Variants in GLIPR1 observed in about 807,000 individuals in gnomAD.
GLIPR1 encodes GLI pathogenesis related 1, also known as glioma pathogenesis-related protein 1.
GLIPR1 carries 38 observed loss-of-function variants against 30.3 expected under a neutral mutation model. The observed-to-expected ratio is 1.26, with a 90% confidence interval of 0.97 to 1.65. The LOEUF (loss-of-function observed/expected upper bound fraction) is 1.65, where lower values mean the gene tolerates loss of function less well. GLIPR1 is among the 40% of genes most tolerant of loss of function. The probability of loss-of-function intolerance (pLI) is 0.00; values close to 1 mark genes in which losing one functional copy is unlikely to be tolerated. For missense variants in GLIPR1, 285 were observed against 326.5 expected, an observed-to-expected ratio of 0.87 and a Z score of 0.98; for synonymous variants, 122 against 110.6, an observed-to-expected ratio of 1.10 and a Z score of -0.65.
intron 2 of GLIPR1, among the ~76,000 whole-genome samples, chr12:75,488,208 G>C (rs2046302359): frequency 6.6e-6 from 1 of 152,178 alleles, no homozygotes; most frequent in African/African-American, 2.4e-5. Context: ...CAGCCCAGTA[G>C]GTCTCAGCCT....
At position 75,501,894 on chromosome 12, in the gene GLIPR1, TC is replaced by T; in HGVS notation, c.*2917del. 6.2e-7 allele frequency: 1 copy of T among 1,601,450 alleles called. No homozygotes were observed. On this transcript the variant is annotated 3_prime_UTR_variant, in exon 6 of 6. Coordinates refer to ENST00000266659, the MANE Select transcript of GLIPR1 (RefSeq NM_006851.3). ...TTCAAGTATCTATGAACTTTGCTAT[TC>T]ATGTGAGCCAGACATAAAGTGCCGT...
In GLIPR1 at chr12:75,499,646, CAAT is replaced by C. The variant is rs1457816568; in HGVS notation, c.*676_*678del. ...TCTCGTATAAATTTTTCAAAAAATACAATAATAATATAATTTATAAAGAACACT... is the reference window on the plus strand; with the variant it reads ...TCTCGTATAAATTTTTCAAAAAATACAATAATATAATTTATAAAGAACACT... On this transcript the variant is annotated 3_prime_UTR_variant, in exon 6 of 6. Transcript: ENST00000266659. The C allele has an allele frequency of 1.3e-5, 5 of 376,458 alleles. No individual in the cohort carries two copies. The highest frequency in any genetic ancestry group is 6.6e-5 in the South Asian group (1 of 15,054). 23.3% of individuals were successfully genotyped at this position (376,458 alleles called of 1,614,324 possible). A position where few individuals can be genotyped will look rare whatever the true frequency, so the allele number is the denominator to read the frequency against.
In GLIPR1 at chr12:75,498,661, A is replaced by C. The variant is rs535834784; in HGVS notation, c.620-33A>C. The C allele has an allele frequency of 1.8e-5, 29 of 1,585,058 alleles. No individual in the cohort carries two copies. The South Asian group carries it at 2.9e-4, about 16-fold the overall frequency. ...AACTCTCAACTGTGTCTACCCTTTT[A>C]ATTTTTTTTCTTTCTTCCCCCTAAC... On this transcript the variant is annotated intron_variant, in intron 4 of 5. Coordinates refer to ENST00000266659, the MANE Select transcript of GLIPR1 (RefSeq NM_006851.3).
chr12:75,485,794 C>A (rs1202903474), intron 2 of GLIPR1, among the ~76,000 whole-genome samples: 1 of 152,066 alleles, frequency 6.6e-6, no homozygotes, highest in African/African-American at 2.4e-5. Context: ...TCGTGATCCG[C>A]CCGCCTCGGC....
At position 75,503,226 on chromosome 12, in the gene GLIPR1, C is replaced by G. The variant is rs2046406441; in HGVS notation, c.*4248C>G. ...TGGTCTCAAATATTTCAATAAAATG[C>G]AATGTCATATGCTAAACATGGGAGG... is the stretch of plus-strand genomic sequence containing the variant. On this transcript the variant is annotated 3_prime_UTR_variant, in exon 6 of 6. Coordinates refer to ENST00000266659, the MANE Select transcript of GLIPR1 (RefSeq NM_006851.3). 6.6e-6 allele frequency: 1 copy of G among 152,012 alleles called. No homozygotes were observed. The highest frequency in any genetic ancestry group is 2.4e-5 in the African/African-American group (1 of 41,386). The allele number at this position is 152,012 out of a possible 1,614,324, so 9.4% of individuals were successfully genotyped here.
chr12:75,497,556 C>T (rs1025065672), intron 4 of GLIPR1: 2 of 152,130 alleles, frequency 1.3e-5, no homozygotes, highest in African/African-American at 4.8e-5. Context: ...ACTCTTCGCA[C>T]TAATACTGAA....
At position 75,499,770 on chromosome 12, in the gene GLIPR1, ACAAAAGGAGATAGTTCTAGT is replaced by A; in HGVS notation, c.*796_*815del. ...AATGCCTGATATCTCAAAATCCTTT[ACAAAAGGAGATAGTTCTAGT>A]CAAGGAGTTTTGGGTATGTTACTTT... On this transcript the variant is annotated 3_prime_UTR_variant, in exon 6 of 6. Coordinates refer to ENST00000266659, the MANE Select transcript of GLIPR1 (RefSeq NM_006851.3). 6.7e-7 allele frequency: 1 copy of A among 1,495,868 alleles called. No homozygotes were observed. Among genetic ancestry groups the A allele is most frequent in the Non-Finnish European group, 9.0e-7 (1 of 1,115,928 alleles). 92.7% of individuals were successfully genotyped at this position (1,495,868 alleles called of 1,614,324 possible).
chr12:75,495,628 C>T lies in GLIPR1; in HGVS notation c.585C>T (p.Cys195=). The change falls in exon 4 of 6, where the codon TGC becomes TGT. Residue 195 remains cysteine (C), a synonymous_variant. Coordinates refer to ENST00000266659, the MANE Select transcript of GLIPR1 (RefSeq NM_006851.3). ...PYKRGATCSA[C]PNNDKCLDNL... The stretch of plus-strand genomic sequence containing the variant: ...AGAGAGGAGCCACCTGCAGTGCCTG[C>T]CCCAATAATGACAAGTGTTTGGACA... 6.2e-7 allele frequency: 1 copy of T among 1,610,346 alleles called. No homozygotes were observed. The highest frequency in any genetic ancestry group is 1.1e-5 in the South Asian group (1 of 90,942).
rs946285700 is a variant in GLIPR1, at chr12:75,500,786, G to A, written c.*1808G>A. 2 of 152,042 alleles carry A rather than the reference G, an allele frequency of 1.3e-5. No individual in the cohort carries two copies. Among genetic ancestry groups the A allele is most frequent in the Non-Finnish European group, 2.9e-5 (2 of 67,966 alleles). The allele number at this position is 152,042 out of a possible 1,614,324, so 9.4% of individuals were successfully genotyped here. ...AAAACATCAAACTACCCAGCAACCT[G>A]AGAAGCACAGAGTGTTAAAGCCTCC... is the stretch of plus-strand genomic sequence containing the variant. On this transcript the variant is annotated 3_prime_UTR_variant, in exon 6 of 6. Transcript: ENST00000266659.
chr12:75,499,803 G>GGTAT lies in GLIPR1; in HGVS notation c.*828_*831dup. On this transcript the variant is annotated 3_prime_UTR_variant, in exon 6 of 6. Transcript: ENST00000266659. ...AGATAGTTCTAGTCAAGGAGTTTTGGGTATGTTACTTTTTTTTCTTCTTTT... is the reference window on the plus strand; with the variant it reads ...AGATAGTTCTAGTCAAGGAGTTTTGGGTATGTATGTTACTTTTTTTTCTTCTTTT... 1 of 1,592,490 alleles carries GGTAT rather than the reference G, an allele frequency of 6.3e-7. No homozygotes were observed. The highest frequency in any genetic ancestry group is 8.5e-7 in the Non-Finnish European group (1 of 1,171,728).
rs1172457296 is a variant in GLIPR1 at position 75,503,495 on chromosome 12, T to G, written c.*4517T>G. The G allele has an allele frequency of 6.5e-6, 1 of 152,860 alleles. No individual in the cohort carries two copies. Among genetic ancestry groups the G allele is most frequent in the Admixed American group, 6.5e-5 (1 of 15,268 alleles). 9.5% of individuals were successfully genotyped at this position (152,860 alleles called of 1,614,324 possible). ...GAAAGGAAATGAAGCAGAAGACACC[T>G]GACAAAAGGAATCATAACTTAGAAA... is the stretch of plus-strand genomic sequence containing the variant. On this transcript the variant is annotated 3_prime_UTR_variant, in exon 6 of 6. Coordinates refer to ENST00000266659, the MANE Select transcript of GLIPR1 (RefSeq NM_006851.3).
chr12:75,494,420 C>T, intron 3 of GLIPR1: 1 of 152,116 alleles, frequency 6.6e-6, no homozygotes, highest in African/African-American at 2.4e-5. Flanking sequence ...TATTTTCATA[C>T]CACATTCCAC....
At chr12:75,498,360 T>A (rs1909976) in intron 4 of GLIPR1, 1 of 181,472 alleles carries the variant, frequency 5.5e-6, no homozygotes, top group African/African-American at 2.4e-5. Context: ...TTTAGAACTA[T>A]ATTTTAATAA....
intron 2 of GLIPR1, 85 bp from the exon 3 acceptor site, chr12:75,490,321 T>C: frequency 1.3e-6 from 1 of 757,008 alleles, no homozygotes; most frequent in Non-Finnish European, 2.3e-6. Flanking sequence ...TAGAGTGGTA[T>C]ACCTCACCAT....
At chr12:75,497,896 A>AT (rs1491458327) in intron 4 of GLIPR1, 3 of 61,538 alleles carry the variant, frequency 4.9e-5, no homozygotes, top group Non-Finnish European at 4.6e-5. Flanking sequence ...AAATATATAT[A>AT]AAAAAAAATA....
At position 75,499,937 on chromosome 12, in the gene GLIPR1, T is replaced by C. The variant is rs1405717582; in HGVS notation, c.*959T>C. The C allele has an allele frequency of 1.9e-6, 3 of 1,600,958 alleles. No homozygotes were observed. Among genetic ancestry groups the C allele is most frequent in the Non-Finnish European group, 1.7e-6 (2 of 1,175,464 alleles). ...TCCTTGATGCTGGCCACATCAATTT[T>C]AGTTTCAGTAGAAGCTAGACAAATT... On this transcript the variant is annotated 3_prime_UTR_variant, in exon 6 of 6. Coordinates refer to ENST00000266659, the MANE Select transcript of GLIPR1 (RefSeq NM_006851.3).
In GLIPR1 at chr12:75,502,816, T is replaced by C. The variant is rs1419056784; in HGVS notation, c.*3838T>C. 1 of 151,984 alleles carries C rather than the reference T, an allele frequency of 6.6e-6. No individual in the cohort carries two copies. Among genetic ancestry groups the C allele is most frequent in the East Asian group, 1.9e-4 (1 of 5,182 alleles). The allele number at this position is 151,984 out of a possible 1,614,324, so 9.4% of individuals were successfully genotyped here. ...AGTCAATTACTACAAGAAAGGGCCA[T>C]AAGAAATAAGGCAGGTGTTATGGAA... On this transcript the variant is annotated 3_prime_UTR_variant, in exon 6 of 6. Coordinates refer to ENST00000266659, the MANE Select transcript of GLIPR1 (RefSeq NM_006851.3).
intron 2 of GLIPR1, among the ~76,000 whole-genome samples, chr12:75,486,694 C>T (rs1237511523): frequency 6.6e-6 from 1 of 152,084 alleles, no homozygotes; most frequent in African/African-American, 2.4e-5. Context: ...ACAACAAATG[C>T]CTATACTAAG....
intron 4 of GLIPR1, chr12:75,496,231 C>G (rs372053748): frequency 4.0e-5 from 6 of 151,882 alleles, no homozygotes; most frequent in Non-Finnish European, 5.9e-5. Context: ...GGTGGACGCC[C>G]GTAACCCCAG....
Sources: allele counts gnomAD v4.1 joint callset (sites outside exome capture counted in the v4.1 genomes callset), GRCh38; gene constraint gnomAD v4.1.1; transcripts MANE v1.5; gene names NCBI Gene and HGNC (gene_info 2026-07-23, HGNC 2026-07-21).